DPF3: variants seen among roughly 807,000 people sequenced by gnomAD.
The protein encoded by DPF3 is zinc finger protein DPF3.
Under a neutral mutation model 56.8 loss-of-function variants are expected in DPF3, and 18 were observed. The ratio of observed to expected loss-of-function variants is 0.32; its 90% CI spans 0.22 to 0.47. The LOEUF is 0.47. DPF3 is among the 20% of genes least tolerant of loss of function. The pLI is 1.00. For synonymous variants in DPF3, 188 were observed against 180.2 expected, an observed-to-expected ratio of 1.04 and a Z score of -0.35; for missense variants, 403 against 488.8, an observed-to-expected ratio of 0.82 and a Z score of 1.65.
At chr14:72,893,007 GGAAGGAAGGAA>G (rs1886828549) in intron 1 of DPF3, among the ~76,000 whole-genome samples, 2 of 131,546 alleles carry the variant, frequency 1.5e-5, no homozygotes, top group African/African-American at 5.8e-5. Context: ...AAGGAAGGAA[GGAAGGAAGGAA>G]GGAAGGATGA....
chr14:72,657,752 A>T (rs1377911523), intron 8 of DPF3, among the ~76,000 whole-genome samples: 1 of 152,180 alleles, frequency 6.6e-6, no homozygotes, highest in Non-Finnish European at 1.5e-5. Context: ...GTTTTATTGG[A>T]ACACAGCCAT....
At chr14:72,797,590 A>G (rs1892694692) in intron 1 of DPF3, among the ~76,000 whole-genome samples, 1 of 152,254 alleles carries the variant, frequency 6.6e-6, no homozygotes, top group Non-Finnish European at 1.5e-5. Context: ...GTAAGATCGC[A>G]TAATTCTATT....
At chr14:72,671,096 A>G in intron 8 of DPF3, 3 of 1,608,498 alleles carry the variant, frequency 1.9e-6, no homozygotes, top group Non-Finnish European at 2.5e-6. Context: ...CCAAAGTCAG[A>G]GGGGGATGGC....
intron 1 of DPF3, among the ~76,000 whole-genome samples, chr14:72,882,048 G>A (rs1241038390): frequency 6.6e-6 from 1 of 152,112 alleles, no homozygotes; most frequent in African/African-American, 2.4e-5. Context: ...CCGAAGCTTT[G>A]GGTTTTTTTT....
At chr14:72,734,812 C>T (rs1176499616) in intron 3 of DPF3, among the ~76,000 whole-genome samples, 1 of 152,168 alleles carries the variant, frequency 6.6e-6, no homozygotes, top group African/African-American at 2.4e-5. Flanking sequence ...ATGGCCCCCT[C>T]TCATTGTATT....
intron 8 of DPF3, among the ~76,000 whole-genome samples, chr14:72,640,667 G>T (rs1885532591): frequency 1.3e-5 from 2 of 152,144 alleles, no homozygotes; most frequent in Non-Finnish European, 2.9e-5. Flanking sequence ...TTCCTAGGTT[G>T]GGCCACAGAG....
chr14:72,847,713 T>C (rs556423017), intron 1 of DPF3, among the ~76,000 whole-genome samples: 1 of 152,240 alleles, frequency 6.6e-6, no homozygotes, highest in East Asian at 1.9e-4. Flanking sequence ...GCTTTCACCA[T>C]GTTGGCCAAG....
chr14:72,609,627 A>G lies in DPF3; in HGVS notation c.*9670T>C, dbSNP rs1293523954. On this transcript the variant is annotated 3_prime_UTR_variant, in exon 11 of 11. Transcript: ENST00000556509. ...AACCTGACACACGTGGGAAGGGCACATCCCCAGAGGACAGAGGACAAGGGT... is the reference window on the plus strand; with the variant it reads ...AACCTGACACACGTGGGAAGGGCACGTCCCCAGAGGACAGAGGACAAGGGT... Among the ~76,000 whole-genome samples, 1 of 152,214 alleles carries G rather than the reference A, an allele frequency of 6.6e-6. No homozygotes were observed. Among genetic ancestry groups the G allele is most frequent in the Non-Finnish European group, 1.5e-5 (1 of 68,034 alleles).
At chr14:72,787,248 T>C (rs1169055874) in intron 1 of DPF3, among the ~76,000 whole-genome samples, 2 of 152,226 alleles carry the variant, frequency 1.3e-5, no homozygotes, top group Admixed American at 1.3e-4. Flanking sequence ...CCCACAGCTA[T>C]GCCATCATTC....
intron 1 of DPF3, chr14:72,892,538 G>T (rs1346085397): frequency 1.1e-5 from 15 of 1,386,142 alleles, no homozygotes; most frequent in Non-Finnish European, 1.4e-5. Flanking sequence ...ACGAGCTGGC[G>T]CAAACACGTC....
intron 1 of DPF3, among the ~76,000 whole-genome samples, chr14:72,893,010 AGGAAGGAAGGAAG>A (rs1567273831): frequency 8.7e-6 from 1 of 115,374 alleles, no homozygotes; most frequent in Admixed American, 8.4e-5. Context: ...GAAGGAAGGA[AGGAAGGAAGGAAG>A]GATGAAAAGG....
intron 1 of DPF3, among the ~76,000 whole-genome samples, chr14:72,788,467 G>A (rs1003745281): frequency 2.0e-5 from 3 of 152,164 alleles, no homozygotes; most frequent in Admixed American, 2.0e-4. Flanking sequence ...GGTGGAGGGA[G>A]AGCACCGCCA....
chr14:72,642,486 A>AT (rs988838180), intron 8 of DPF3, among the ~76,000 whole-genome samples: 3 of 152,110 alleles, frequency 2.0e-5, no homozygotes, highest in South Asian at 4.2e-4. Context: ...TGCTGTTATT[A>AT]TTTTTTTTCA....
intron 5 of DPF3, among the ~76,000 whole-genome samples, chr14:72,716,244 G>A (rs1888924177): frequency 2.0e-5 from 3 of 152,148 alleles, no homozygotes; most frequent in Admixed American, 2.0e-4. Context: ...TGCTGTGGGA[G>A]CCAGGTTTTC....
intron 1 of DPF3, among the ~76,000 whole-genome samples, chr14:72,850,068 G>A (rs763415989): frequency 2.0e-5 from 3 of 151,918 alleles, no homozygotes; most frequent in Middle Eastern, 3.2e-3. Flanking sequence ...GCAGTGAGCC[G>A]AGATCATACC....
chr14:72,869,012 A>T (rs1473137240), intron 1 of DPF3, among the ~76,000 whole-genome samples: 2 of 152,016 alleles, frequency 1.3e-5, no homozygotes, highest in African/African-American at 4.8e-5. Flanking sequence ...AAACTTCTCC[A>T]TCAAGGCCCT....
intron 8 of DPF3, among the ~76,000 whole-genome samples, chr14:72,666,578 C>T (rs187279802): frequency 2.2e-4 from 34 of 152,232 alleles, no homozygotes; most frequent in African/African-American, 7.2e-4. Context: ...ATCAGTAAAA[C>T]GGGAATAAAT....
Position 72,645,366 on chromosome 14 carries a change from C to A in DPF3, c.872-15630G>T, listed in dbSNP as rs143293519. On this transcript the variant is annotated intron_variant, in intron 8 of 10. Transcript: ENST00000556509. Reference sequence around the variant, plus strand: ...CTAGACTAGAGTGCAGTGGTGCAATCTTGGTTCACTGCACCTGCCGCCTCC... The same window carrying A: ...CTAGACTAGAGTGCAGTGGTGCAATATTGGTTCACTGCACCTGCCGCCTCC... Among the ~76,000 whole-genome samples, 27 of 151,252 alleles carry A rather than the reference C, an allele frequency of 1.8e-4. No individual in the cohort carries two copies. In the East Asian group the frequency reaches 4.9e-3, roughly 27 times the overall value.
intron 1 of DPF3, among the ~76,000 whole-genome samples, chr14:72,874,262 G>C (rs146568451): frequency 6.6e-6 from 1 of 151,592 alleles, no homozygotes; most frequent in Non-Finnish European, 1.5e-5. Context: ...GCAGATCACG[G>C]GGTCAGGAGT....
Sources: gnomAD v4.1 joint callset for allele counts (sites outside exome capture counted in the v4.1 genomes callset) on GRCh38, gnomAD v4.1.1 for gene constraint, MANE v1.5 for transcripts, NCBI Gene and HGNC (gene_info 2026-07-23, HGNC 2026-07-21) for gene names.